TMC7: variants seen among roughly 807,000 people sequenced by gnomAD.
TMC7 encodes transmembrane channel like 7, also known as transmembrane channel-like protein 7.
A neutral mutation model predicts 82.9 loss-of-function variants in TMC7; 54 were observed. That is an observed-to-expected ratio of 0.65 (90% CI 0.52 to 0.82). TMC7 has a LOEUF of 0.82. Ranked by LOEUF, TMC7 falls within the 40% of genes least tolerant of loss-of-function variation. The pLI, the probability that TMC7 is intolerant of heterozygous loss-of-function variation, is 0.00. For missense variants in TMC7, 820 were observed against 901.2 expected, an observed-to-expected ratio of 0.91 and a Z score of 1.15; for synonymous variants, 350 against 337.9, an observed-to-expected ratio of 1.04 and a Z score of -0.39.
intron 12 of TMC7, among the ~76,000 whole-genome samples, chr16:19,048,127 GT>G (rs1332075784): frequency 6.7e-6 from 1 of 150,258 alleles, no homozygotes; most frequent in Non-Finnish European, 1.5e-5. Context: ...TATTTGTTTG[GT>G]TTTTTTGAAT....
At chr16:18,993,548 C>T (rs544540617) in intron 1 of TMC7, among the ~76,000 whole-genome samples, 17 of 152,240 alleles carry the variant, frequency 1.1e-4, no homozygotes, top group South Asian at 1.0e-3. Context: ...GAAGTTGAAA[C>T]GCTAGCTGCT....
At position 18,984,570 on chromosome 16, in the gene TMC7, G is replaced by T. The variant is rs186867824; in HGVS notation, c.67+440G>T. The T allele has an allele frequency of 1.7e-3, 1,729 of 989,614 alleles. 23 individuals carry two copies. The African/African-American group carries it at 0.028, about 16-fold the overall frequency. 61.3% of individuals were successfully genotyped at this position (989,614 alleles called of 1,614,324 possible). A position where few individuals can be genotyped will look rare whatever the true frequency, so the allele number is the denominator to read the frequency against. Reference sequence around the variant, plus strand: ...AATTCTGCCTTGTCTGTTTATTGCTGTGGGACCTTTGGTAAGTGGCTTGCC... The same window carrying T: ...AATTCTGCCTTGTCTGTTTATTGCTTTGGGACCTTTGGTAAGTGGCTTGCC... On this transcript the variant is annotated intron_variant, in intron 1 of 15. Transcript: ENST00000304381.
chr16:19,023,855 C>T (rs369746676), intron 5 of TMC7, among the ~76,000 whole-genome samples: 1 of 152,214 alleles, frequency 6.6e-6, no homozygotes. Context: ...TTCTCTGACA[C>T]CGATAAACCC....
chr16:19,021,721 G>A lies in TMC7; in HGVS notation c.553G>A (p.Val185Ile), dbSNP rs764738105. The A allele has an allele frequency of 1.6e-5, 26 of 1,613,932 alleles. No individual in the cohort carries two copies. Among genetic ancestry groups the A allele is most frequent in the Non-Finnish European group, 2.0e-5 (24 of 1,180,028 alleles). Residue 185 changes from valine (V) to isoleucine (I), a missense_variant, in exon 4 of 16, where the codon GTT becomes ATT. Val to Ile is a conservative substitution (Grantham distance 29). Around this residue, in one of 2 missense-constraint regions of TMC7, gnomAD observed 650 missense variants for 669.9 expected, o/e 0.97. Coordinates refer to ENST00000304381, the MANE Select transcript of TMC7 (RefSeq NM_024847.4). ...GATATTTCTGATCATCTTTATGCTG[G>A]TTTTGCTCCCAGTCTTACTCACGAA... ...LVIFLIIFML[V>I]LLPVLLTKYK...
chr16:19,060,323 G>A (rs1011367141), intron 15 of TMC7, among the ~76,000 whole-genome samples: 8 of 151,998 alleles, frequency 5.3e-5, no homozygotes, highest in Non-Finnish European at 1.0e-4. Context: ...TCCCACCTTA[G>A]CCTCCCAAGT....
At position 19,048,578 on chromosome 16, in the gene TMC7, C is replaced by T. The variant is rs562117463; in HGVS notation, c.1740+1329C>T. 9.2e-5 allele frequency among the ~76,000 whole-genome samples: 14 copies of T among 152,014 alleles called. No individual in the cohort carries two copies. The South Asian group carries it at 1.2e-3, about 14-fold the overall frequency. The stretch of plus-strand genomic sequence containing the variant: ...CTGGGATTACAGGCATGTGCCACCA[C>T]GCCCGGTTAATTTTGTATTTTTATT... On this transcript the variant is annotated intron_variant, in intron 12 of 15. Coordinates refer to ENST00000304381, the MANE Select transcript of TMC7 (RefSeq NM_024847.4).
chr16:18,998,346 G>A (rs1465294284), intron 1 of TMC7, among the ~76,000 whole-genome samples: 2 of 152,192 alleles, frequency 1.3e-5, no homozygotes, highest in African/African-American at 4.8e-5. Flanking sequence ...CCAAATCCAG[G>A]CAGGGTGGGT....
intron 12 of TMC7, among the ~76,000 whole-genome samples, chr16:19,047,806 C>T (rs529696707): frequency 3.3e-5 from 5 of 151,046 alleles, no homozygotes; most frequent in Admixed American, 2.7e-4. Context: ...TCTGCCCCCC[C>T]AGGTTCGAGC....
At position 18,989,550 on chromosome 16, in the gene TMC7, GT is replaced by G. The variant is rs1243396368; in HGVS notation, c.67+5421del. Among the ~76,000 whole-genome samples the G allele has an allele frequency of 2.3e-5, 3 of 129,492 alleles. 1 individual carries two copies. The highest frequency in any genetic ancestry group is 7.8e-5 in the Admixed American group (1 of 12,754). 85.0% of individuals were successfully genotyped at this position (129,492 alleles called of 152,430 possible). A position where few individuals can be genotyped will look rare whatever the true frequency, so the allele number is the denominator to read the frequency against. On this transcript the variant is annotated intron_variant, in intron 1 of 15. Transcript: ENST00000304381. Reference sequence around the variant, plus strand: ...GGCCACCTAGACCTTCTGATGCTCTGTCCCCACCCTTGGAGGAGGAGGAAGG... The same window carrying G: ...GGCCACCTAGACCTTCTGATGCTCTGCCCCACCCTTGGAGGAGGAGGAAGG...
intron 1 of TMC7, among the ~76,000 whole-genome samples, chr16:19,007,544 T>G (rs1284086891): frequency 6.6e-6 from 1 of 152,072 alleles, no homozygotes; most frequent in Non-Finnish European, 1.5e-5. Flanking sequence ...GGGGTGCTTT[T>G]CCCCAAATAT....
chr16:19,027,921 A>G (rs975439534), intron 5 of TMC7, among the ~76,000 whole-genome samples: 8 of 152,184 alleles, frequency 5.3e-5, no homozygotes, highest in African/African-American at 1.4e-4. Context: ...TTTATAGAGT[A>G]AAAAATGAAA....
At position 19,016,506 on chromosome 16, in the gene TMC7, A is replaced by G; in HGVS notation, c.368A>G (p.Tyr123Cys). Residue 123 changes from tyrosine (Y) to cysteine (C), a missense_variant, in exon 3 of 16, where the codon TAT (tyrosine) becomes TGT (cysteine). Around this residue, in one of 2 missense-constraint regions of TMC7, gnomAD observed 650 missense variants for 669.9 expected, o/e 0.97. Coordinates refer to ENST00000304381, the MANE Select transcript of TMC7 (RefSeq NM_024847.4). ...YLSEWDQWKRYSSKSWKRFLE... is the reference protein window; with the variant it reads ...YLSEWDQWKRCSSKSWKRFLE... ...TCCGAATGGGACCAGTGGAAGCGGTATAGCAGCAAGTCTTGGAAGAGGTTC... is the reference window on the plus strand; with the variant it reads ...TCCGAATGGGACCAGTGGAAGCGGTGTAGCAGCAAGTCTTGGAAGAGGTTC... The G allele has an allele frequency of 6.2e-7, 1 of 1,614,224 alleles. No homozygotes were observed. The highest frequency in any genetic ancestry group is 8.5e-7 in the Non-Finnish European group (1 of 1,180,044).
At chr16:19,006,331 C>T (rs1028100213) in intron 1 of TMC7, among the ~76,000 whole-genome samples, 25 of 152,150 alleles carry the variant, frequency 1.6e-4, no homozygotes, top group African/African-American at 5.5e-4. Flanking sequence ...ATTACAGGCA[C>T]GCGCTAGCGT....
intron 5 of TMC7, 40 bp from the exon 6 acceptor site, chr16:19,030,184 A>G: frequency 1.3e-6 from 2 of 1,592,610 alleles, no homozygotes; most frequent in Non-Finnish European, 1.7e-6. Context: ...CCCTGCAGTA[A>G]GCTGACCAGT....
intron 13 of TMC7, among the ~76,000 whole-genome samples, chr16:19,054,311 A>G (rs1267527731): frequency 6.6e-6 from 1 of 152,174 alleles, no homozygotes; most frequent in Non-Finnish European, 1.5e-5. Flanking sequence ...TGGATGTCCC[A>G]ATTGTTAACA....
intron 14 of TMC7, among the ~76,000 whole-genome samples, chr16:19,058,342 T>C (rs1457541526): frequency 6.6e-6 from 1 of 152,124 alleles, no homozygotes; most frequent in Non-Finnish European, 1.5e-5. Flanking sequence ...ATCGCGCCAT[T>C]GCACTCAAGC....
chr16:19,045,075 G>C, intron 10 of TMC7, 74 bp downstream of exon 10: 1 of 1,224,292 alleles, frequency 8.2e-7, no homozygotes, highest in African/African-American at 1.5e-5. Context: ...GAGAACAGCG[G>C]TTGAAGCCAT....
At chr16:19,047,486 C>G (rs1031758453) in intron 12 of TMC7, among the ~76,000 whole-genome samples, 5 of 151,136 alleles carry the variant, frequency 3.3e-5, no homozygotes, top group Admixed American at 3.3e-4. Flanking sequence ...CAACCTCCCC[C>G]TCCTAAGTTC....
Position 19,063,876 on chromosome 16 carries a change from AGT to A in TMC7, c.*2035_*2036del, listed in dbSNP as rs1206452951. 5.9e-5 allele frequency: 9 copies of A among 152,188 alleles called. No homozygotes were observed. The highest frequency in any genetic ancestry group is 2.2e-4 in the African/African-American group (9 of 41,440). 9.4% of individuals were successfully genotyped at this position (152,188 alleles called of 1,614,324 possible). A position where few individuals can be genotyped will look rare whatever the true frequency, so the allele number is the denominator to read the frequency against. On this transcript the variant is annotated 3_prime_UTR_variant, in exon 16 of 16. Coordinates refer to ENST00000304381, the MANE Select transcript of TMC7 (RefSeq NM_024847.4). ...CAGGTGATGTCTGTATAACTTTTAA[AGT>A]GCAGCTCTCTCTAACAAATGTGCCT...
Sources: allele counts gnomAD v4.1 joint callset (sites outside exome capture counted in the v4.1 genomes callset), GRCh38; gene constraint gnomAD v4.1.1; regional missense constraint gnomAD v4.1.1; transcripts MANE v1.5; gene names NCBI Gene and HGNC (gene_info 2026-07-23, HGNC 2026-07-21).